ADCYAP1R1: variants seen among roughly 807,000 people sequenced by gnomAD.
ADCYAP1R1 encodes pituitary adenylate cyclase-activating polypeptide type I receptor.
A neutral mutation model predicts 67.6 loss-of-function variants in ADCYAP1R1; 44 were observed. The ratio of observed to expected loss-of-function variants is 0.65; its 90% CI spans 0.51 to 0.84. ADCYAP1R1 has a LOEUF of 0.84. Among genes scored for constraint, ADCYAP1R1 ranks in the 40% least tolerant of loss-of-function variants. The pLI is 0.00. For synonymous variants in ADCYAP1R1, 222 were observed against 219.6 expected, an observed-to-expected ratio of 1.01 and a Z score of -0.10; for missense variants, 477 against 587.9, an observed-to-expected ratio of 0.81 and a Z score of 1.95.
chr7:31,102,472 C>T lies in ADCYAP1R1; in HGVS notation c.1047-765C>T, dbSNP rs1422620246. On this transcript the variant is annotated intron_variant, in intron 13 of 15. Transcript: ENST00000304166. The surrounding 1 kb of genome is among the most constrained non-coding windows in gnomAD (Gnocchi z 4.3). ...GTGGCCCTGTGGCTTCAGAACAGAGCCCCACCGTGCTGTCAGCCTAGGGCC... is the reference window on the plus strand; with the variant it reads ...GTGGCCCTGTGGCTTCAGAACAGAGTCCCACCGTGCTGTCAGCCTAGGGCC... Among the ~76,000 whole-genome samples, 1 of 152,184 alleles carries T rather than the reference C, an allele frequency of 6.6e-6. No individual in the cohort carries two copies. The highest frequency in any genetic ancestry group is 1.5e-5 in the Non-Finnish European group (1 of 68,038).
chr7:31,106,615 C>G lies in ADCYAP1R1; in HGVS notation c.1338C>G (p.Leu446=), dbSNP rs1045892106. 9.3e-6 allele frequency: 15 copies of G among 1,613,858 alleles called. No homozygotes were observed. In the African/African-American group the frequency reaches 2.0e-4, roughly 22 times the overall value. Residue 446 remains leucine, a synonymous_variant, in exon 16 of 16, where the codon CTC becomes CTG. Coordinates refer to ENST00000304166, the MANE Select transcript of ADCYAP1R1 (RefSeq NM_001118.5). ...ASSGVNGGTQ[L]SILSKSSSQI... ...GTGGGGTGAATGGGGGCACCCAGCT[C>G]TCCATCCTGAGCAAGAGCAGCTCCC...
At chr7:31,063,411 T>A (rs1183271328) in intron 2 of ADCYAP1R1, 96 bp downstream of exon 2, 1 of 1,417,054 alleles carries the variant, frequency 7.1e-7, no homozygotes, top group Non-Finnish European at 9.9e-7. Flanking sequence ...GCTCAGCTCT[T>A]CATCTGGCTG....
At chr7:31,068,198 CGCACGCATGT>C (rs1342714752) in intron 3 of ADCYAP1R1, among the ~76,000 whole-genome samples, 1 of 149,738 alleles carries the variant, frequency 6.7e-6, no homozygotes, top group Admixed American at 6.6e-5. Flanking sequence ...CTCTCAGACA[CGCACGCATGT>C]GCGCGCGCAC....
Position 31,092,680 on chromosome 7 carries a change from C to T in ADCYAP1R1, c.991C>T (p.Leu331Phe). The T allele has an allele frequency of 6.2e-7, 1 of 1,612,608 alleles. No homozygotes were observed. Residue 331 changes from leucine to phenylalanine, a missense_variant, in exon 13 of 16, where the codon CTT becomes TTT. By Grantham distance (22) the Leu-to-Phe change is conservative. Coordinates refer to ENST00000304166, the MANE Select transcript of ADCYAP1R1 (RefSeq NM_001118.5). ...GCTTTTTATTGGCATTATCGTCATC[C>T]TTGTGCAGAAACTTCAGTCTCCAGA... ...FVLFIGIIVILVQKLQSPDMG... is the reference protein window; with the variant it reads ...FVLFIGIIVIFVQKLQSPDMG...
chr7:31,080,553 C>A, intron 4 of ADCYAP1R1, 60 bp from the exon 5 acceptor site: 1 of 1,581,214 alleles, frequency 6.3e-7, no homozygotes, highest in Non-Finnish European at 8.6e-7. Flanking sequence ...CAGCCCCTGA[C>A]TTTTCTCACC....
intron 13 of ADCYAP1R1, among the ~76,000 whole-genome samples, chr7:31,101,359 C>G (rs1796428070): frequency 6.6e-6 from 1 of 152,134 alleles, no homozygotes; most frequent in Non-Finnish European, 1.5e-5. Flanking sequence ...TTCCAGGGCC[C>G]TTTTTAGACT....
Position 31,086,343 on chromosome 7 carries a change from T to C in ADCYAP1R1, c.670-41T>C. 1.9e-6 allele frequency: 3 copies of C among 1,605,162 alleles called. No homozygotes were observed. The highest frequency in any genetic ancestry group is 2.6e-6 in the Non-Finnish European group (3 of 1,176,350). On this transcript the variant is annotated intron_variant, in intron 9 of 15. Coordinates refer to ENST00000304166, the MANE Select transcript of ADCYAP1R1 (RefSeq NM_001118.5). The surrounding 1 kb of genome is among the most constrained non-coding windows in gnomAD (Gnocchi z 5.0). ...TAGGATTCTCCCTTGCTCCTGTTCC[T>C]GTTGGGCTCACGCCCCTCACCCTGG... is the stretch of plus-strand genomic sequence containing the variant.
rs1796651565 is a variant in ADCYAP1R1 at position 31,106,477 on chromosome 7, C to T, written c.1219-19C>T. On this transcript the variant is annotated intron_variant, in intron 15 of 15. Transcript: ENST00000304166. ...GAGGATGTCCATCTGGAAGTGACCG[C>T]CCAGTTTGCTCCCTGCAGGTACAAG... The T allele has an allele frequency of 6.3e-7, 1 of 1,587,594 alleles. No homozygotes were observed. Among genetic ancestry groups the T allele is most frequent in the Admixed American group, 1.7e-5 (1 of 58,588 alleles).
intron 1 of ADCYAP1R1, among the ~76,000 whole-genome samples, chr7:31,055,593 C>G (rs1033641819): frequency 6.6e-6 from 1 of 152,180 alleles, no homozygotes. Flanking sequence ...AAATATGATT[C>G]TTTTAATTCT....
In ADCYAP1R1 at chr7:31,085,224, G is replaced by C. The variant is rs113930077; in HGVS notation, c.537-86G>C. On this transcript the variant is annotated intron_variant, in intron 8 of 15. Transcript: ENST00000304166. Reference sequence around the variant, plus strand: ...GGAGACCTGCTGAGATAAAGCCACAGAGTTGGCCCACCACAGATGCCCACA... The same window carrying C: ...GGAGACCTGCTGAGATAAAGCCACACAGTTGGCCCACCACAGATGCCCACA... 2.1e-4 allele frequency: 325 copies of C among 1,531,404 alleles called. 1 individual carries two copies. In the African/African-American group the frequency reaches 3.1e-3, roughly 15 times the overall value. 94.9% of individuals were successfully genotyped at this position (1,531,404 alleles called of 1,614,324 possible).
chr7:31,088,403 T>C (rs75895298), intron 12 of ADCYAP1R1, among the ~76,000 whole-genome samples: 7,910 of 152,308 alleles, frequency 0.052, 259 homozygotes, highest in East Asian at 0.13. Flanking sequence ...TTCCAAGCCT[T>C]ATTTCTGGTT....
At chr7:31,099,979 T>A in intron 13 of ADCYAP1R1, 1 of 725,986 alleles carries the variant, frequency 1.4e-6, no homozygotes, top group Non-Finnish European at 2.4e-6. Flanking sequence ...GCTGCCCATG[T>A]CTTGGCCCTT....
chr7:31,054,146 C>G (rs1794143839), intron 1 of ADCYAP1R1, among the ~76,000 whole-genome samples: 1 of 152,180 alleles, frequency 6.6e-6, no homozygotes, highest in Admixed American at 6.5e-5. Context: ...GTGGAACACG[C>G]TGAGCAGGCC....
intron 6 of ADCYAP1R1, among the ~76,000 whole-genome samples, chr7:31,082,340 G>A (rs187266710): frequency 3.3e-5 from 5 of 152,206 alleles, no homozygotes; most frequent in Admixed American, 1.3e-4. Context: ...TCCATCTTCC[G>A]GAGATTTCTA....
In ADCYAP1R1 at chr7:31,080,622, C is replaced by A. The variant is rs1169676597; in HGVS notation, c.275C>A (p.Thr92Asn). 1 of 1,613,820 alleles carries A rather than the reference C, an allele frequency of 6.2e-7. No individual in the cohort carries two copies. The highest frequency in any genetic ancestry group is 1.3e-5 in the African/African-American group (1 of 75,036). ...TTTCTCTCTGTTTCAGTCTGGGAGA[C>A]CGAAACCATTGGTAAGAGGAACCTT... ...RIFNPDQVWE[T>N]ETIGESDFGD... Residue 92 changes from threonine to asparagine, a missense_variant, in exon 5 of 16, where the codon ACC becomes AAC. By Grantham distance (65) the Thr-to-Asn change is moderately conservative. Coordinates refer to ENST00000304166, the MANE Select transcript of ADCYAP1R1 (RefSeq NM_001118.5).
rs1287310875 is a variant in ADCYAP1R1, at chr7:31,082,302, C to T, written c.328+548C>T. Among the ~76,000 whole-genome samples the T allele has an allele frequency of 5.9e-5, 9 of 152,234 alleles. No individual in the cohort carries two copies. The South Asian group carries it at 1.0e-3, about 18-fold the overall frequency. ...AGCCTAGTGAAGTAGGCACAATGAC[C>T]GCGGGGTTTTGACAATCTCAAGAGC... On this transcript the variant is annotated intron_variant, in intron 6 of 15. Coordinates refer to ENST00000304166, the MANE Select transcript of ADCYAP1R1 (RefSeq NM_001118.5).
At chr7:31,085,579 C>T (rs1054227106) in intron 9 of ADCYAP1R1, 137 bp downstream of exon 9, 1 of 1,008,860 alleles carries the variant, frequency 9.9e-7, no homozygotes, top group East Asian at 2.7e-5. Flanking sequence ...ATTGCCCCAC[C>T]CCCCCGGTTT....
At chr7:31,098,431 A>G (rs1378067065) in intron 13 of ADCYAP1R1, among the ~76,000 whole-genome samples, 2 of 152,138 alleles carry the variant, frequency 1.3e-5, no homozygotes, top group Non-Finnish European at 2.9e-5. Context: ...TTTGGCATGC[A>G]TGTGGATCCC....
In ADCYAP1R1 at chr7:31,104,631, G is replaced by T. The variant is rs545030019; in HGVS notation, c.1177-237G>T. 3.3e-5 allele frequency among the ~76,000 whole-genome samples: 5 copies of T among 152,244 alleles called. No individual in the cohort carries two copies. The East Asian group carries it at 9.7e-4, about 30-fold the overall frequency. ...GGGAAGGATCTGACCAAGGGAATGT[G>T]AGATCCAAAGCTAGAATGTATCTGT... On this transcript the variant is annotated intron_variant, in intron 14 of 15. Transcript: ENST00000304166.
Sources: allele counts gnomAD v4.1 joint callset (sites outside exome capture counted in the v4.1 genomes callset), GRCh38; gene constraint gnomAD v4.1.1; non-coding constraint Gnocchi (gnomAD v3.1); transcripts MANE v1.5; gene names NCBI Gene and HGNC (gene_info 2026-07-23, HGNC 2026-07-21).